C17orf99: variants seen among roughly 807,000 people sequenced by gnomAD.
C17orf99 encodes the protein protein IL-40.
A neutral mutation model predicts 22.6 loss-of-function variants in C17orf99; 18 were observed. The ratio of observed to expected loss-of-function variants is 0.80; its 90% CI spans 0.55 to 1.18. C17orf99 has a LOEUF of 1.18. C17orf99 is among the 50% of genes most tolerant of loss of function. C17orf99 has a pLI of 0.00. For synonymous variants in C17orf99, 147 were observed against 136.6 expected (o/e 1.08, Z -0.53); for missense variants, 328 against 342.7 (o/e 0.96, Z 0.34).
At chr17:78,153,093 AAAT>A in intron 2 of C17orf99, among the ~76,000 whole-genome samples, 1 of 145,494 alleles carries the variant, frequency 6.9e-6, no homozygotes, top group African/African-American at 2.7e-5. Context: ...AGAAAAAAAT[AAAT>A]TAAAAAAAAA....
Position 78,166,082 on chromosome 17 carries a change from C to A in C17orf99, c.*36C>A. 1 of 797,740 alleles carries A rather than the reference C, an allele frequency of 1.3e-6. No individual in the cohort carries two copies. Among genetic ancestry groups the A allele is most frequent in the Non-Finnish European group, 1.8e-6 (1 of 568,934 alleles). 49.4% of individuals were successfully genotyped at this position (797,740 alleles called of 1,614,324 possible). On this transcript the variant is annotated 3_prime_UTR_variant, in exon 5 of 5. Transcript: ENST00000340363. The stretch of plus-strand genomic sequence containing the variant: ...CCAGAGAGCCAAGCACGGCAGAGGA[C>A]TGCAGGCCATCAGCGTGCACTGTTC...
intron 2 of C17orf99, among the ~76,000 whole-genome samples, chr17:78,153,714 C>A (rs1385406177): frequency 2.0e-5 from 3 of 152,120 alleles, no homozygotes; most frequent in African/African-American, 7.2e-5. Flanking sequence ...CCACGTGAGG[C>A]AGGCTTCTGG....
intron 2 of C17orf99, chr17:78,160,667 T>TCG: frequency 1.1e-4 from 41 of 357,902 alleles, no homozygotes; most frequent in South Asian, 4.4e-4. Flanking sequence ...ACCTGCCACC[T>TCG]CCGCCTTCCT....
Position 78,146,715 on chromosome 17 carries a change from C to A in C17orf99, c.38-164C>A. On this transcript the variant is annotated intron_variant, in intron 1 of 4. Coordinates refer to ENST00000340363, the MANE Select transcript of C17orf99 (RefSeq NM_001163075.2). This position sits in a 1 kb window ranked among gnomAD's most constrained non-coding sequence, Gnocchi z 5.2. ...AGAGGCGATGTTGTGGGGGGAGGGG[C>A]GCAAAAGAGCTTTTGTGAGTGATGG... 2.9e-6 allele frequency: 2 copies of A among 701,568 alleles called. No homozygotes were observed. The highest frequency in any genetic ancestry group is 2.5e-6 in the Non-Finnish European group (1 of 406,762). 43.5% of individuals were successfully genotyped at this position (701,568 alleles called of 1,614,324 possible). A position where few individuals can be genotyped will look rare whatever the true frequency, so the allele number is the denominator to read the frequency against.
intron 4 of C17orf99, chr17:78,165,080 G>T (rs1026440650): frequency 2.0e-5 from 21 of 1,051,502 alleles, no homozygotes; most frequent in Admixed American, 5.4e-5. Flanking sequence ...AGAGCCTGGG[G>T]CCCAGCCTCC....
At chr17:78,149,847 C>T (rs192368896) in intron 2 of C17orf99, among the ~76,000 whole-genome samples, 21 of 151,926 alleles carry the variant, frequency 1.4e-4, no homozygotes, top group East Asian at 3.9e-4. Context: ...GTAGCTGGGA[C>T]TACAGGCACA....
chr17:78,160,891 C>T, intron 2 of C17orf99, 64 bp from the exon 3 acceptor site: 1 of 1,390,884 alleles, frequency 7.2e-7, no homozygotes, highest in African/African-American at 1.4e-5. Flanking sequence ...CAAACCAGTA[C>T]CTTCTTAAGG....
intron 2 of C17orf99, among the ~76,000 whole-genome samples, chr17:78,156,009 T>C (rs2075522275): frequency 6.6e-6 from 1 of 151,954 alleles, no homozygotes; most frequent in Admixed American, 6.6e-5. Context: ...CAGAAACATT[T>C]TTGTTTAATC....
chr17:78,146,929 C>T lies in C17orf99; in HGVS notation c.70+18C>T. On this transcript the variant is annotated intron_variant, in intron 2 of 4. Transcript: ENST00000340363. This position sits in a 1 kb window ranked among gnomAD's most constrained non-coding sequence, Gnocchi z 5.2. Reference sequence around the variant, plus strand: ...GGAGGAAGGTAAGTGGCATAGCCTGCTGCAGGGAGAAGTCCCCCAGCTGGG... The same window carrying T: ...GGAGGAAGGTAAGTGGCATAGCCTGTTGCAGGGAGAAGTCCCCCAGCTGGG... 1.3e-6 allele frequency: 2 copies of T among 1,550,550 alleles called. No homozygotes were observed. The highest frequency in any genetic ancestry group is 1.7e-6 in the Non-Finnish European group (2 of 1,145,990).
intron 2 of C17orf99, among the ~76,000 whole-genome samples, chr17:78,149,005 G>T (rs568675951): frequency 8.7e-4 from 133 of 152,144 alleles, no homozygotes; most frequent in Non-Finnish European, 1.6e-3. Context: ...CTGGCAGATG[G>T]CATGGGATGG....
chr17:78,163,892 C>A (rs187742547), intron 3 of C17orf99, among the ~76,000 whole-genome samples: 94 of 152,336 alleles, frequency 6.2e-4, no homozygotes, highest in African/African-American at 2.1e-3. Context: ...AAGATAAAAA[C>A]CAAATGTGAA....
Position 78,161,100 on chromosome 17 carries a change from G to A in C17orf99, c.216G>A (p.Lys72=). 1 of 1,551,740 alleles carries A rather than the reference G, an allele frequency of 6.4e-7. No homozygotes were observed. The highest frequency in any genetic ancestry group is 8.7e-7 in the Non-Finnish European group (1 of 1,147,012). Reference sequence around the variant, plus strand: ...GAACCAAGAACATCAAGGTGGCCAAGAAGGTGGTGAAGACCCACGAGCCGG... The same window carrying A: ...GAACCAAGAACATCAAGGTGGCCAAAAAGGTGGTGAAGACCCACGAGCCGG... ...LCGTKNIKVA[K]KVVKTHEPAS... Residue 72 remains lysine, a synonymous_variant, in exon 3 of 5, where the codon AAG becomes AAA. Transcript: ENST00000340363.
In C17orf99 at chr17:78,163,165, G is replaced by C. The variant is rs373701794; in HGVS notation, c.371-930G>C. 4.1e-4 allele frequency among the ~76,000 whole-genome samples: 63 copies of C among 152,316 alleles called. No individual in the cohort carries two copies. The South Asian group carries it at 0.013, about 31-fold the overall frequency. ...GCTACTTGGGTGGCTGAGGTGGGAG[G>C]ATCATTTGAGCCCAGGAGTTGGAGG... On this transcript the variant is annotated intron_variant, in intron 3 of 4. Transcript: ENST00000340363.
intron 2 of C17orf99, among the ~76,000 whole-genome samples, chr17:78,159,628 T>C (rs890354567): frequency 4.7e-5 from 7 of 150,516 alleles, no homozygotes; most frequent in African/African-American, 1.7e-4. Context: ...CAGCATTTAG[T>C]GCATCCATAG....
chr17:78,164,230 A>T lies in C17orf99; in HGVS notation c.506A>T (p.His169Leu). The T allele has an allele frequency of 6.4e-7, 1 of 1,551,542 alleles. No homozygotes were observed. Among genetic ancestry groups the T allele is most frequent in the East Asian group, 2.4e-5 (1 of 40,926 alleles). Reference protein sequence around the residue: ...NSLIGKDGQVHLQQRPCHRQP... With the variant: ...NSLIGKDGQVLLQQRPCHRQP... ...CTGATCGGGAAGGATGGGCAGGTCC[A>T]CCTGCAGCAGAGACCATGCCACAGG... The change falls in exon 4 of 5, where the codon CAC (histidine) becomes CTC (leucine). Residue 169 changes from histidine (H) to leucine (L), a missense_variant. Coordinates refer to ENST00000340363, the MANE Select transcript of C17orf99 (RefSeq NM_001163075.2).
chr17:78,146,571 G>A lies in C17orf99; in HGVS notation c.37+127G>A. 1 of 861,000 alleles carries A rather than the reference G, an allele frequency of 1.2e-6. No individual in the cohort carries two copies. Among genetic ancestry groups the A allele is most frequent in the South Asian group, 1.5e-5 (1 of 66,440 alleles). 53.3% of individuals were successfully genotyped at this position (861,000 alleles called of 1,614,324 possible). On this transcript the variant is annotated intron_variant, in intron 1 of 4. Coordinates refer to ENST00000340363, the MANE Select transcript of C17orf99 (RefSeq NM_001163075.2). The surrounding 1 kb of genome is among the most constrained non-coding windows in gnomAD (Gnocchi z 5.2). ...AAGGGCACCTCTGGAAACATGGACA[G>A]AGAGGGAAAGATCTGGGCTTGAGTC...
At chr17:78,158,297 C>A in intron 2 of C17orf99, 1 of 424,898 alleles carries the variant, frequency 2.4e-6, no homozygotes. Context: ...ACTCCTCCTA[C>A]ACATTTTTTT....
rs182669250 is a variant in C17orf99 at position 78,159,418 on chromosome 17, C to G, written c.71-1537C>G. On this transcript the variant is annotated intron_variant, in intron 2 of 4. Transcript: ENST00000340363. ...CTTTGGGAGGCTGAGGTGGCCAGACCACCTGAGGTCTCGAGTTCAAGACCA... is the reference window on the plus strand; with the variant it reads ...CTTTGGGAGGCTGAGGTGGCCAGACGACCTGAGGTCTCGAGTTCAAGACCA... Among the ~76,000 whole-genome samples, 1,341 of 152,160 alleles carry G rather than the reference C, an allele frequency of 8.8e-3. 18 individuals are homozygous for G. The highest frequency in any genetic ancestry group is 0.03 in the African/African-American group (1,246 of 41,512).
At chr17:78,157,963 C>T in intron 2 of C17orf99, 1 of 1,203,052 alleles carries the variant, frequency 8.3e-7, no homozygotes, top group Non-Finnish European at 1.2e-6. Context: ...GAGATATCTG[C>T]CTGTCAACTC....
Sources: allele counts gnomAD v4.1 joint callset (sites outside exome capture counted in the v4.1 genomes callset), GRCh38; gene constraint gnomAD v4.1.1; non-coding constraint Gnocchi (gnomAD v3.1); transcripts MANE v1.5; gene names NCBI Gene and HGNC (gene_info 2026-07-23, HGNC 2026-07-21).